Variants in MAML2 observed in about 807,000 individuals in gnomAD.
The protein encoded by MAML2 is mastermind-like protein 2.
In MAML2, 22 loss-of-function variants were observed where a neutral mutation model predicts 96.1. The ratio of observed to expected loss-of-function variants is 0.23; its 90% CI spans 0.16 to 0.33. The LOEUF is 0.33. Among genes scored for constraint, MAML2 ranks in the 10% least tolerant of loss-of-function variants. The pLI, the probability that MAML2 is intolerant of heterozygous loss-of-function variation, is 1.00. For synonymous variants in MAML2, 561 were observed against 521.3 expected (o/e 1.08, Z -1.04); for missense variants, 1,367 against 1,392.4 (o/e 0.98, Z 0.29).
At chr11:96,183,390 T>G (rs1861519380) in intron 1 of MAML2, among the ~76,000 whole-genome samples, 1 of 105,476 alleles carries the variant, frequency 9.5e-6, no homozygotes, top group Non-Finnish European at 1.9e-5. Flanking sequence ...CTTCCTCCGT[T>G]CCTCCCCCCC....
At position 96,341,537 on chromosome 11, in the gene MAML2, G is replaced by A; in HGVS notation, c.359C>T (p.Ala120Val). 6.4e-7 allele frequency: 1 copy of A among 1,551,342 alleles called. No individual in the cohort carries two copies. Among genetic ancestry groups the A allele is most frequent in the Non-Finnish European group, 8.7e-7 (1 of 1,146,944 alleles). The change falls in exon 1 of 5, where the codon GCA (alanine) becomes GTA (valine). Residue 120 changes from alanine to valine, a missense_variant. By Grantham distance (64) the Ala-to-Val change is moderately conservative (BLOSUM62 0). Coordinates refer to ENST00000524717, the MANE Select transcript of MAML2 (RefSeq NM_032427.4). ...AAPPAASQAAATAAPPPPPDY... is the reference protein window; with the variant it reads ...AAPPAASQAAVTAAPPPPPDY... ...TGGTGGGGGCGGTGGGGCTGCTGTTGCTGCTGCTTGGGAGGCCGCAGGAGG... is the reference window on the plus strand; with the variant it reads ...TGGTGGGGGCGGTGGGGCTGCTGTTACTGCTGCTTGGGAGGCCGCAGGAGG...
chr11:96,318,970 T>C (rs996305249), intron 1 of MAML2, among the ~76,000 whole-genome samples: 2 of 152,192 alleles, frequency 1.3e-5, no homozygotes, highest in African/African-American at 4.8e-5. Flanking sequence ...CTGTGTAGTC[T>C]TCTCCCACAC....
intron 1 of MAML2, among the ~76,000 whole-genome samples, chr11:96,334,022 G>A (rs185943868): frequency 6.6e-6 from 1 of 152,162 alleles, no homozygotes; most frequent in Admixed American, 6.5e-5. Flanking sequence ...TCTAGATTAG[G>A]AGTCCTAGAA....
chr11:96,128,652 G>A (rs930050328), intron 1 of MAML2, among the ~76,000 whole-genome samples: 2 of 152,096 alleles, frequency 1.3e-5, no homozygotes, highest in Non-Finnish European at 1.5e-5. Flanking sequence ...CCTTTTGTGG[G>A]ATTGTGCTCT....
At chr11:96,289,497 G>C (rs1314719669) in intron 1 of MAML2, among the ~76,000 whole-genome samples, 1 of 152,114 alleles carries the variant, frequency 6.6e-6, no homozygotes, top group African/African-American at 2.4e-5. Context: ...ATAGAGTCCA[G>C]ATTTTTAATG....
chr11:96,331,710 T>A (rs1436085974), intron 1 of MAML2, among the ~76,000 whole-genome samples: 5 of 149,704 alleles, frequency 3.3e-5, no homozygotes, highest in African/African-American at 1.2e-4. Flanking sequence ...CTCAGCTACT[T>A]AGGAGGCTGA....
chr11:96,003,721 G>A (rs1565186880), intron 2 of MAML2, among the ~76,000 whole-genome samples: 1 of 152,052 alleles, frequency 6.6e-6, no homozygotes, highest in Non-Finnish European at 1.5e-5. Context: ...GTATACAACA[G>A]ATTCAAAACA....
chr11:96,265,020 A>G (rs1862807154), intron 1 of MAML2, among the ~76,000 whole-genome samples: 1 of 152,252 alleles, frequency 6.6e-6, no homozygotes, highest in African/African-American at 2.4e-5. Context: ...TGTTAACATT[A>G]ACCTAAAGAA....
At chr11:96,123,874 G>A (rs1483299987) in intron 1 of MAML2, among the ~76,000 whole-genome samples, 1 of 151,972 alleles carries the variant, frequency 6.6e-6, no homozygotes, top group Admixed American at 6.6e-5. Flanking sequence ...AGGAGTTTGA[G>A]ACTAGCCTAA....
At chr11:96,279,534 G>A (rs1025034700) in intron 1 of MAML2, among the ~76,000 whole-genome samples, 5 of 152,206 alleles carry the variant, frequency 3.3e-5, no homozygotes, top group African/African-American at 1.2e-4. Context: ...AGTAAGGGAA[G>A]GAGAAAGAGG....
intron 2 of MAML2, among the ~76,000 whole-genome samples, chr11:96,001,732 T>C (rs1432016937): frequency 6.6e-6 from 1 of 152,182 alleles, no homozygotes; most frequent in Non-Finnish European, 1.5e-5. Flanking sequence ...CAGCTTAAAA[T>C]CATACATAGC....
intron 2 of MAML2, among the ~76,000 whole-genome samples, chr11:96,079,273 G>C (rs1440831125): frequency 6.6e-6 from 1 of 151,954 alleles, no homozygotes; most frequent in South Asian, 2.1e-4. Context: ...TCTTTAACCA[G>C]ACTTAAATTA....
intron 2 of MAML2, among the ~76,000 whole-genome samples, chr11:96,045,072 C>T (rs1241790076): frequency 1.3e-5 from 2 of 151,888 alleles, no homozygotes; most frequent in Non-Finnish European, 2.9e-5. Context: ...CCAAGCCTTG[C>T]ACCCAGGGTG....
intron 2 of MAML2, among the ~76,000 whole-genome samples, chr11:96,058,074 G>C (rs1859097146): frequency 6.6e-6 from 1 of 152,224 alleles, no homozygotes; most frequent in South Asian, 2.1e-4. Flanking sequence ...CCTCAAGTAA[G>C]GGTGTGAAGT....
intron 2 of MAML2, among the ~76,000 whole-genome samples, chr11:96,071,432 T>C (rs1859342652): frequency 6.6e-6 from 1 of 152,274 alleles, no homozygotes; most frequent in South Asian, 2.1e-4. Context: ...TGGAGACGTG[T>C]AGCTCCAGGC....
At chr11:96,212,980 A>G (rs1861993779) in intron 1 of MAML2, among the ~76,000 whole-genome samples, 1 of 152,142 alleles carries the variant, frequency 6.6e-6, no homozygotes, top group Non-Finnish European at 1.5e-5. Context: ...AATTAGGAGG[A>G]ATGGGTAACA....
At chr11:96,241,857 C>T (rs1029170021) in intron 1 of MAML2, among the ~76,000 whole-genome samples, 1 of 152,196 alleles carries the variant, frequency 6.6e-6, no homozygotes, top group South Asian at 2.1e-4. Flanking sequence ...ATCTAAGTAT[C>T]GTTCTGGTTT....
chr11:96,253,837 C>G (rs999360095), intron 1 of MAML2, among the ~76,000 whole-genome samples: 2 of 152,132 alleles, frequency 1.3e-5, no homozygotes, highest in Admixed American at 1.3e-4. Flanking sequence ...CATCTAATGT[C>G]AAGGCATCTG....
intron 1 of MAML2, among the ~76,000 whole-genome samples, chr11:96,324,383 TA>T (rs1200169464): frequency 6.6e-6 from 1 of 152,242 alleles, no homozygotes; most frequent in African/African-American, 2.4e-5. Flanking sequence ...TAATACATGT[TA>T]TTTTTTTTAA....
Sources: allele counts gnomAD v4.1 joint callset (sites outside exome capture counted in the v4.1 genomes callset), GRCh38; gene constraint gnomAD v4.1.1; transcripts MANE v1.5; gene names NCBI Gene and HGNC (gene_info 2026-07-23, HGNC 2026-07-21).